ZCCHC8: variants seen among roughly 807,000 people sequenced by gnomAD.
The protein encoded by ZCCHC8 is zinc finger CCHC domain-containing protein 8.
A neutral mutation model predicts 70.6 loss-of-function variants in ZCCHC8; 27 were observed. The ratio of observed to expected loss-of-function variants is 0.38; its 90% CI spans 0.28 to 0.53. The LOEUF is 0.53. Ranked by LOEUF, ZCCHC8 falls within the 20% of genes least tolerant of loss-of-function variation. The pLI, the probability that ZCCHC8 is intolerant of heterozygous loss-of-function variation, is 0.81. For missense variants in ZCCHC8, 737 were observed against 876.9 expected (o/e 0.84, Z 2.01); for synonymous variants, 293 against 317.4 (o/e 0.92, Z 0.82).
chr12:122,486,124 T>G (rs1474137422), intron 5 of ZCCHC8, among the ~76,000 whole-genome samples: 1 of 152,000 alleles, frequency 6.6e-6, no homozygotes, highest in African/African-American at 2.4e-5. Context: ...TTTTAAAAAG[T>G]CAATTCATGG....
intron 2 of ZCCHC8, 68 bp from the exon 3 acceptor site, chr12:122,492,857 G>A (rs533341491): frequency 1.4e-5 from 15 of 1,061,804 alleles, no homozygotes; most frequent in South Asian, 7.2e-5. Context: ...ATATATAAAC[G>A]CATAACTTTT....
intron 10 of ZCCHC8, chr12:122,480,599 A>G: frequency 4.2e-6 from 1 of 238,136 alleles, no homozygotes; most frequent in Non-Finnish European, 8.1e-6. Context: ...AGCCTCCTAA[A>G]TAGCTGGTAC....
chr12:122,493,114 T>C (rs1478067711), intron 2 of ZCCHC8, among the ~76,000 whole-genome samples: 3 of 152,150 alleles, frequency 2.0e-5, no homozygotes, highest in Non-Finnish European at 4.4e-5. Context: ...GGGATCCACC[T>C]GCCTCAGCCT....
chr12:122,496,179 A>AC (rs1957824194), intron 2 of ZCCHC8, among the ~76,000 whole-genome samples: 1 of 151,564 alleles, frequency 6.6e-6, no homozygotes, highest in Admixed American at 6.6e-5. Flanking sequence ...AAAATTTAAA[A>AC]AAAAACAAAA....
Position 122,500,737 on chromosome 12 carries a change from T to C in ZCCHC8, c.104A>G (p.Asp35Gly). The change falls in exon 1 of 14, where the codon GAC (aspartate) becomes GGC (glycine). Residue 35 changes from aspartate (D) to glycine (G), a missense_variant. Transcript: ENST00000633063. The surrounding 1 kb of genome is among the most constrained non-coding windows in gnomAD (Gnocchi z 4.8). The stretch of plus-strand genomic sequence containing the variant: ...CCCATTTTCGTCCTCCTCGTCGCCG[T>C]CGTCGTCCTTGAAGCGAGTGTGAAC... Reference protein sequence around the residue: ...KPVHTRFKDDDGDEEDENGVG... With the variant: ...KPVHTRFKDDGGDEEDENGVG... 6.3e-7 allele frequency: 1 copy of C among 1,584,160 alleles called. No homozygotes were observed. Among genetic ancestry groups the C allele is most frequent in the East Asian group, 2.3e-5 (1 of 43,224 alleles).
intron 13 of ZCCHC8, 124 bp downstream of exon 13, chr12:122,477,717 G>T: frequency 1.4e-6 from 1 of 728,440 alleles, no homozygotes; most frequent in African/African-American, 1.8e-5. Flanking sequence ...TTGAACCCGG[G>T]AGGCAGAGGT....
Position 122,474,139 on chromosome 12 carries a change from C to A in ZCCHC8, c.1482G>T (p.Pro494=), listed in dbSNP as rs371400716. 5.3e-6 allele frequency: 8 copies of A among 1,506,698 alleles called. No individual in the cohort carries two copies. Among genetic ancestry groups the A allele is most frequent in the Non-Finnish European group, 7.1e-6 (8 of 1,133,146 alleles). 93.3% of individuals were successfully genotyped at this position (1,506,698 alleles called of 1,614,324 possible). ...FTPPLPKGTP[P]LTPSDSPQTR... ...TCTGGGGTGAGTCACTGGGAGTCAGCGGCGGGGTGCCCTTTGGGAGTGGAG... is the reference window on the plus strand; with the variant it reads ...TCTGGGGTGAGTCACTGGGAGTCAGAGGCGGGGTGCCCTTTGGGAGTGGAG... Residue 494 remains proline, a synonymous_variant, in exon 14 of 14, where the codon CCG becomes CCT. Coordinates refer to ENST00000633063, the MANE Select transcript of ZCCHC8 (RefSeq NM_017612.5).
intron 10 of ZCCHC8, 24 bp downstream of exon 10, chr12:122,481,498 C>A: frequency 6.4e-7 from 1 of 1,572,278 alleles, no homozygotes; most frequent in South Asian, 1.2e-5. Flanking sequence ...CTTAAGGTGA[C>A]TTCTCTAACT....
intron 10 of ZCCHC8, chr12:122,480,837 T>C (rs1473798112): frequency 6.6e-6 from 1 of 152,364 alleles, no homozygotes; most frequent in Non-Finnish European, 1.5e-5. Context: ...CTTGAACTCC[T>C]GACCGCAACT....
At position 122,474,115 on chromosome 12, in the gene ZCCHC8, C is replaced by T; in HGVS notation, c.1506G>A (p.Gln502=). The change falls in exon 14 of 14, where the codon CAG becomes CAA. Residue 502 remains glutamine, a synonymous_variant. Transcript: ENST00000633063. ...CCACAGCTCCAGATGCTGTTCTGGT[C>T]TGGGGTGAGTCACTGGGAGTCAGCG... is the stretch of plus-strand genomic sequence containing the variant. ...TPPLTPSDSP[Q]TRTASGAVDE... 1 of 1,513,402 alleles carries T rather than the reference C, an allele frequency of 6.6e-7. No individual in the cohort carries two copies. The highest frequency in any genetic ancestry group is 1.4e-5 in the South Asian group (1 of 72,942). The allele number at this position is 1,513,402 out of a possible 1,614,324, so 93.7% of individuals were successfully genotyped here. A position where few individuals can be genotyped will look rare whatever the true frequency, so the allele number is the denominator to read the frequency against.
rs146985696 is a variant in ZCCHC8, at chr12:122,482,463, T to C, written c.732+172A>G. 4.3e-3 allele frequency: 2,026 copies of C among 471,284 alleles called. 42 individuals carry two copies. Among genetic ancestry groups the C allele is most frequent in the African/African-American group, 0.037 (1,839 of 49,914 alleles). 29.2% of individuals were successfully genotyped at this position (471,284 alleles called of 1,614,324 possible). ...TGTTTTAAATTATTTACTGAAAAAA[T>C]TTAATGTCTTAAAATATGAACACAA... On this transcript the variant is annotated intron_variant, in intron 8 of 13. Transcript: ENST00000633063.
chr12:122,495,013 T>C (rs368521473), intron 2 of ZCCHC8, among the ~76,000 whole-genome samples: 1 of 152,176 alleles, frequency 6.6e-6, no homozygotes, highest in South Asian at 2.1e-4. Context: ...GGTGTGATAA[T>C]TGAGTGGTGG....
Position 122,500,512 on chromosome 12 carries a change from A to T in ZCCHC8, c.199+130T>A. 8.4e-7 allele frequency: 1 copy of T among 1,183,768 alleles called. No homozygotes were observed. Among genetic ancestry groups the T allele is most frequent in the Non-Finnish European group, 1.1e-6 (1 of 870,904 alleles). 73.3% of individuals were successfully genotyped at this position (1,183,768 alleles called of 1,614,324 possible). A position where few individuals can be genotyped will look rare whatever the true frequency, so the allele number is the denominator to read the frequency against. Reference sequence around the variant, plus strand: ...GGTCCGCCGGCGGGTGACAGAAAGCACTTGGAATTCTGGCCCTCCTGGAAC... The same window carrying T: ...GGTCCGCCGGCGGGTGACAGAAAGCTCTTGGAATTCTGGCCCTCCTGGAAC... On this transcript the variant is annotated intron_variant, in intron 1 of 13. Coordinates refer to ENST00000633063, the MANE Select transcript of ZCCHC8 (RefSeq NM_017612.5). The surrounding 1 kb of genome is among the most constrained non-coding windows in gnomAD (Gnocchi z 4.8).
chr12:122,483,372 TATC>T lies in ZCCHC8; in HGVS notation c.606-31_606-29del. ...TTAGTGAATTTTATTAAGGAATAGT[TATC>T]ATGGTCTGCAAAATTTGGAAATTGT... On this transcript the variant is annotated intron_variant, in intron 6 of 13. Transcript: ENST00000633063. This position sits in a 1 kb window ranked among gnomAD's most constrained non-coding sequence, Gnocchi z 4.4. The T allele has an allele frequency of 6.3e-7, 1 of 1,578,850 alleles. No individual in the cohort carries two copies. The highest frequency in any genetic ancestry group is 8.6e-7 in the Non-Finnish European group (1 of 1,160,536).
intron 3 of ZCCHC8, among the ~76,000 whole-genome samples, chr12:122,491,358 G>C (rs1253587647): frequency 6.6e-6 from 1 of 152,006 alleles, no homozygotes; most frequent in East Asian, 1.9e-4. Context: ...GCGAAACCCT[G>C]TCTCTACTAA....
At chr12:122,496,655 A>G (rs143597004) in intron 2 of ZCCHC8, among the ~76,000 whole-genome samples, 1 of 152,234 alleles carries the variant, frequency 6.6e-6, no homozygotes, top group African/African-American at 2.4e-5. Flanking sequence ...ATGCCACCAC[A>G]TCCAGCTAAT....
intron 5 of ZCCHC8, among the ~76,000 whole-genome samples, chr12:122,485,348 A>C (rs2137344909): frequency 6.6e-6 from 1 of 152,328 alleles, no homozygotes. Flanking sequence ...TCTCGACCTC[A>C]GGTGATCTGC....
rs189187307 is a variant in ZCCHC8, at chr12:122,493,636, G to A, written c.243-847C>T. 1.3e-3 allele frequency among the ~76,000 whole-genome samples: 197 copies of A among 151,608 alleles called. 1 individual carries two copies. Among genetic ancestry groups the A allele is most frequent in the African/African-American group, 4.5e-3 (187 of 41,380 alleles). ...TTAATTATTTATTTATTTGTGAGAC[G>A]GAGTCTCACTCTGTTGCCCAGGCTG... On this transcript the variant is annotated intron_variant, in intron 2 of 13. Transcript: ENST00000633063.
At chr12:122,497,977 T>C (rs1957852852) in intron 2 of ZCCHC8, among the ~76,000 whole-genome samples, 1 of 138,258 alleles carries the variant, frequency 7.2e-6, no homozygotes, top group Non-Finnish European at 1.6e-5. Flanking sequence ...AGTGACAGAG[T>C]GAGATCTTGT....
Sources: allele counts gnomAD v4.1 joint callset (sites outside exome capture counted in the v4.1 genomes callset), GRCh38; gene constraint gnomAD v4.1.1; non-coding constraint Gnocchi (gnomAD v3.1); transcripts MANE v1.5; gene names NCBI Gene and HGNC (gene_info 2026-07-23, HGNC 2026-07-21).